Variants in B4GALT1 observed in about 807,000 individuals in gnomAD.
B4GALT1 encodes beta-1,4-galactosyltransferase 1.
A neutral mutation model predicts 34.9 loss-of-function variants in B4GALT1; 16 were observed. The ratio of observed to expected loss-of-function variants is 0.46; its 90% confidence interval spans 0.31 to 0.70. The LOEUF is 0.70. Among genes scored for constraint, B4GALT1 ranks in the 30% least tolerant of loss-of-function variants. The pLI is 0.05. For synonymous variants in B4GALT1, 221 were observed against 218.1 expected, an observed-to-expected ratio of 1.01 and a Z score of -0.12; for missense variants, 445 against 530.5, an observed-to-expected ratio of 0.84 and a Z score of 1.58.
At chr9:33,117,349 A>G (rs1307992425) in intron 3 of B4GALT1, among the ~76,000 whole-genome samples, 1 of 152,258 alleles carries the variant, frequency 6.6e-6, no homozygotes, top group Non-Finnish European at 1.5e-5. Flanking sequence ...CAAGTAGTAG[A>G]GCATCTGGGC....
chr9:33,180,618 G>A, the B4GALT1 span, among the ~76,000 whole-genome samples: 1 of 152,144 alleles, frequency 6.6e-6, no homozygotes, highest in Admixed American at 6.5e-5. Flanking sequence ...CTACAGGACC[G>A]TTCATGCTGC....
chr9:33,132,450 A>T (rs1840207270), intron 2 of B4GALT1, among the ~76,000 whole-genome samples: 1 of 152,164 alleles, frequency 6.6e-6, no homozygotes. Context: ...CGGGAATGAG[A>T]CCTGCTTTAC....
chr9:33,177,160 T>G, the B4GALT1 span, among the ~76,000 whole-genome samples: 1 of 152,224 alleles, frequency 6.6e-6, no homozygotes, highest in Admixed American at 6.5e-5. Flanking sequence ...GTTGGCATTT[T>G]GAACATTTTG....
At chr9:33,126,660 G>GTTATT in intron 2 of B4GALT1, among the ~76,000 whole-genome samples, 1 of 150,330 alleles carries the variant, frequency 6.7e-6, no homozygotes, top group Non-Finnish European at 1.5e-5. Flanking sequence ...GTTAACCATA[G>GTTATT]CAATATGGTA....
chr9:33,106,068 C>T (rs1459005479), downstream of B4GALT1, among the ~76,000 whole-genome samples: 1 of 152,132 alleles, frequency 6.6e-6, no homozygotes, highest in Non-Finnish European at 1.5e-5. Flanking sequence ...CACCATTTTA[C>T]ATTCCTACCA....
In B4GALT1 at chr9:33,136,404, G is replaced by T. The variant is rs189620855; in HGVS notation, c.413-980C>A. 4.6e-5 allele frequency among the ~76,000 whole-genome samples: 7 copies of T among 152,264 alleles called. No individual in the cohort carries two copies. The East Asian group carries it at 1.2e-3, about 25-fold the overall frequency. Reference sequence around the variant, plus strand: ...ACACAGGGAATCAAGGCTCTGCTGAGAGTCAAGAGCCAAGGCTTGAACCCA... The same window carrying T: ...ACACAGGGAATCAAGGCTCTGCTGATAGTCAAGAGCCAAGGCTTGAACCCA... On this transcript the variant is annotated intron_variant, in intron 1 of 5. Coordinates refer to ENST00000379731, the MANE Select transcript of B4GALT1 (RefSeq NM_001497.4).
intron 1 of B4GALT1, among the ~76,000 whole-genome samples, chr9:33,158,995 A>T (rs1840638334): frequency 6.6e-6 from 1 of 151,918 alleles, no homozygotes; most frequent in Non-Finnish European, 1.5e-5. Context: ...GCAGGCAGGG[A>T]CTCTGCCCAG....
chr9:33,170,672 C>G (rs954670980), upstream of B4GALT1, among the ~76,000 whole-genome samples: 3 of 152,200 alleles, frequency 2.0e-5, no homozygotes, highest in South Asian at 2.1e-4. Flanking sequence ...GGCCTGAGCA[C>G]TAGTCTCAGC....
chr9:33,110,436 A>G (rs1485253576), downstream of B4GALT1, among the ~76,000 whole-genome samples: 1 of 152,216 alleles, frequency 6.6e-6, no homozygotes, highest in Non-Finnish European at 1.5e-5. Flanking sequence ...TGTTTTACAT[A>G]TATCGTCACT....
chr9:33,136,109 T>G (rs1456532545), intron 1 of B4GALT1, among the ~76,000 whole-genome samples: 5 of 151,408 alleles, frequency 3.3e-5, no homozygotes, highest in Admixed American at 2.0e-4. Flanking sequence ...ATAAAAGAAA[T>G]AGCTGGAAAC....
intron 1 of B4GALT1, among the ~76,000 whole-genome samples, chr9:33,154,127 G>C (rs905712002): frequency 1.3e-5 from 2 of 151,962 alleles, no homozygotes; most frequent in Non-Finnish European, 2.9e-5. Context: ...ACTCAATCCA[G>C]CAACAAATAA....
At chr9:33,145,906 A>C (rs1457797003) in intron 1 of B4GALT1, among the ~76,000 whole-genome samples, 1 of 152,220 alleles carries the variant, frequency 6.6e-6, no homozygotes, top group African/African-American at 2.4e-5. Context: ...GAACTAAACC[A>C]TTCTCAAGCA....
At chr9:33,148,102 G>C (rs1271233460) in intron 1 of B4GALT1, among the ~76,000 whole-genome samples, 3 of 151,992 alleles carry the variant, frequency 2.0e-5, no homozygotes, top group African/African-American at 7.3e-5. Context: ...TCTGAGACCA[G>C]GAAGGGATTA....
downstream of B4GALT1, among the ~76,000 whole-genome samples, chr9:33,108,447 T>TA (rs60251768): frequency 0.7 from 99,110 of 142,166 alleles, 34,838 homozygotes; most frequent in East Asian, 0.91. Context: ...ACTCTGTCTC[T>TA]AAAAAAAAAA....
chr9:33,115,901 G>A, intron 4 of B4GALT1, 90 bp downstream of exon 4: 2 of 1,525,104 alleles, frequency 1.3e-6, no homozygotes, highest in South Asian at 1.1e-5. Flanking sequence ...CCCATCTGAG[G>A]GTCAGTCCTT....
At chr9:33,155,368 C>T (rs1840581008) in intron 1 of B4GALT1, among the ~76,000 whole-genome samples, 1 of 152,204 alleles carries the variant, frequency 6.6e-6, no homozygotes, top group South Asian at 2.1e-4. Context: ...CTGAGCCCGC[C>T]TACATCTATC....
upstream of B4GALT1, among the ~76,000 whole-genome samples, chr9:33,171,670 T>G (rs748894817): frequency 2.6e-5 from 4 of 152,166 alleles, no homozygotes; most frequent in Non-Finnish European, 4.4e-5. Context: ...TTCTCCTGCC[T>G]CAGCCTCCCG....
At chr9:33,183,404 A>C in the B4GALT1 span, among the ~76,000 whole-genome samples, 1 of 148,778 alleles carries the variant, frequency 6.7e-6, no homozygotes, top group South Asian at 2.2e-4. Context: ...ACAATGATAG[A>C]CTGGATTAAG....
chr9:33,144,125 T>C (rs1487231508), intron 1 of B4GALT1, among the ~76,000 whole-genome samples: 2 of 152,172 alleles, frequency 1.3e-5, no homozygotes, highest in East Asian at 3.8e-4. Context: ...CTCAAGAGAT[T>C]TTCCTGTCTT....
Sources: gnomAD v4.1 joint callset for allele counts (sites outside exome capture counted in the v4.1 genomes callset) on GRCh38, gnomAD v4.1.1 for gene constraint, MANE v1.5 for transcripts, NCBI Gene and HGNC (gene_info 2026-07-23, HGNC 2026-07-21) for gene names.